MAN2A1: variants seen among roughly 807,000 people sequenced by gnomAD.
MAN2A1 encodes mannosidase alpha class 2A member 1, also known as alpha-mannosidase 2.
MAN2A1 carries 76 observed loss-of-function variants against 142.6 expected under a neutral mutation model. The ratio of observed to expected loss-of-function variants is 0.53; its 90% CI spans 0.44 to 0.65. The LOEUF is 0.65. Among genes scored for constraint, MAN2A1 ranks in the 30% least tolerant of loss-of-function variants. The pLI is 0.00. For missense variants in MAN2A1, 1,311 were observed against 1,365.1 expected, an observed-to-expected ratio of 0.96 and a Z score of 0.62; for synonymous variants, 559 against 473.2, an observed-to-expected ratio of 1.18 and a Z score of -2.35.
At chr5:109,801,653 G>A (rs1018302352) in intron 12 of MAN2A1, among the ~76,000 whole-genome samples, 6 of 152,052 alleles carry the variant, frequency 3.9e-5, no homozygotes, top group Non-Finnish European at 8.8e-5. Context: ...TGCCCACTTC[G>A]GCTCAGGGAC....
At chr5:109,796,264 G>A (rs1051540812) in intron 12 of MAN2A1, among the ~76,000 whole-genome samples, 1 of 152,106 alleles carries the variant, frequency 6.6e-6, no homozygotes, top group Non-Finnish European at 1.5e-5. Context: ...AGAAACCTAA[G>A]CTTGGAACCA....
intron 9 of MAN2A1, among the ~76,000 whole-genome samples, chr5:109,784,416 A>C (rs905409551): frequency 6.6e-6 from 1 of 152,130 alleles, no homozygotes; most frequent in Non-Finnish European, 1.5e-5. Context: ...AGAGAAATTT[A>C]TCCAATTTTT....
At chr5:109,742,005 AT>A (rs1752281330) in intron 4 of MAN2A1, among the ~76,000 whole-genome samples, 1 of 152,172 alleles carries the variant, frequency 6.6e-6, no homozygotes, top group African/African-American at 2.4e-5. Flanking sequence ...ACATTTGAAT[AT>A]TTTTTGGCTA....
At position 109,866,971 on chromosome 5, in the gene MAN2A1, C is replaced by T. The variant is rs768907491; in HGVS notation, c.3408C>T (p.Ile1136=). The change falls in exon 22 of 22, where the codon ATC becomes ATT. Residue 1136 remains isoleucine, a synonymous_variant. Transcript: ENST00000261483. ...AGATCAACTTGAGTCCAATGGAAATCAGCACATTCCGAATCCAGTTGAGGT... is the reference window on the plus strand; with the variant it reads ...AGATCAACTTGAGTCCAATGGAAATTAGCACATTCCGAATCCAGTTGAGGT... ...ISEINLSPME[I]STFRIQLR The T allele has an allele frequency of 1.2e-6, 2 of 1,611,034 alleles. No individual in the cohort carries two copies. Among genetic ancestry groups the T allele is most frequent in the East Asian group, 2.2e-5 (1 of 44,692 alleles).
rs201911470 is a variant in MAN2A1 at position 109,773,031 on chromosome 5, CAGTTA to C, written c.1197-1752_1197-1748del. On this transcript the variant is annotated intron_variant, in intron 7 of 21. Transcript: ENST00000261483. ...TCGGGGATTTTATTTTTCTTGGTTACAGTTAAGTTGACATTTCTTACCTGGTAAAA... is the reference window on the plus strand; with the variant it reads ...TCGGGGATTTTATTTTTCTTGGTTACAGTTGACATTTCTTACCTGGTAAAA... Among the ~76,000 whole-genome samples, 1,220 of 152,184 alleles carry C rather than the reference CAGTTA, an allele frequency of 8.0e-3. 6 individuals carry two copies. The highest frequency in any genetic ancestry group is 0.013 in the Non-Finnish European group (876 of 68,000).
chr5:109,855,605 A>G (rs1755586863), intron 20 of MAN2A1, among the ~76,000 whole-genome samples: 1 of 152,180 alleles, frequency 6.6e-6, no homozygotes, highest in Non-Finnish European at 1.5e-5. Flanking sequence ...CCTTAAGTTT[A>G]GCACTAGTGA....
At chr5:109,796,344 G>A (rs1321854004) in intron 12 of MAN2A1, among the ~76,000 whole-genome samples, 1 of 152,140 alleles carries the variant, frequency 6.6e-6, no homozygotes, top group Non-Finnish European at 1.5e-5. Flanking sequence ...ATAGTCAAAG[G>A]ATTTGCATAT....
Position 109,867,122 on chromosome 5 carries a change from T to C in MAN2A1, c.*124T>C. The C allele has an allele frequency of 1.7e-6, 1 of 601,530 alleles. No individual in the cohort carries two copies. The allele number at this position is 601,530 out of a possible 1,614,324, so 37.3% of individuals were successfully genotyped here. Reference sequence around the variant, plus strand: ...TGAGAACATGAATTCTGTGATTCTGTGGGTTTTTTCTTTTTTCTTTTACCA... The same window carrying C: ...TGAGAACATGAATTCTGTGATTCTGCGGGTTTTTTCTTTTTTCTTTTACCA... On this transcript the variant is annotated 3_prime_UTR_variant, in exon 22 of 22. Coordinates refer to ENST00000261483, the MANE Select transcript of MAN2A1 (RefSeq NM_002372.4).
At chr5:109,792,395 T>C (rs1191676481) in intron 12 of MAN2A1, among the ~76,000 whole-genome samples, 1 of 152,042 alleles carries the variant, frequency 6.6e-6, no homozygotes, top group African/African-American at 2.4e-5. Context: ...CTGAATTACT[T>C]CAACAGCTTC....
chr5:109,816,752 C>T (rs180874163), intron 12 of MAN2A1, among the ~76,000 whole-genome samples: 109 of 152,136 alleles, frequency 7.2e-4, no homozygotes, highest in Non-Finnish European at 8.7e-4. Context: ...ATGAATAAAA[C>T]CGTATTTATA....
chr5:109,856,388 CAAA>C (rs1755605905), intron 20 of MAN2A1, among the ~76,000 whole-genome samples: 1 of 152,044 alleles, frequency 6.6e-6, no homozygotes, highest in South Asian at 2.1e-4. Context: ...AGAGACAAGA[CAAA>C]GAAGAAAGCA....
chr5:109,858,376 T>C (rs371868177), intron 20 of MAN2A1, among the ~76,000 whole-genome samples: 20 of 152,288 alleles, frequency 1.3e-4, no homozygotes, highest in East Asian at 5.8e-4. Flanking sequence ...AGGGAACTGT[T>C]GTGGGTATTG....
intron 3 of MAN2A1, among the ~76,000 whole-genome samples, chr5:109,721,896 C>T (rs1381377904): frequency 1.3e-5 from 2 of 152,192 alleles, no homozygotes; most frequent in Non-Finnish European, 2.9e-5. Context: ...TTATTATGTT[C>T]TGTGCACTAT....
chr5:109,776,444 A>G (rs4569915), intron 8 of MAN2A1, among the ~76,000 whole-genome samples: 54,016 of 151,752 alleles, frequency 0.36, 9,931 homozygotes, highest in East Asian at 0.68. Flanking sequence ...GATCAGAGGA[A>G]GGGATATATA....
At chr5:109,783,074 G>A (rs1057329147) in intron 9 of MAN2A1, among the ~76,000 whole-genome samples, 2 of 151,884 alleles carry the variant, frequency 1.3e-5, no homozygotes, top group African/African-American at 2.4e-5. Context: ...TTATAAAGTG[G>A]GTTATATTCT....
chr5:109,725,706 A>T (rs976741027), intron 3 of MAN2A1, among the ~76,000 whole-genome samples: 1 of 152,206 alleles, frequency 6.6e-6, no homozygotes, highest in Non-Finnish European at 1.5e-5. Flanking sequence ...TACTTAGTGT[A>T]TATGCCCTTG....
Position 109,711,999 on chromosome 5 carries a change from C to T in MAN2A1, c.136-1521C>T, listed in dbSNP as rs558052448. ...GAAGGTACATGGCTGTCTTGTGCTC[C>T]TTTCTTCTCTAGCATCAGGCTGTAG... On this transcript the variant is annotated intron_variant, in intron 1 of 21. Coordinates refer to ENST00000261483, the MANE Select transcript of MAN2A1 (RefSeq NM_002372.4). Among the ~76,000 whole-genome samples, 10 of 152,126 alleles carry T rather than the reference C, an allele frequency of 6.6e-5. No homozygotes were observed. In the South Asian group the frequency reaches 1.2e-3, roughly 19 times the overall value.
intron 1 of MAN2A1, among the ~76,000 whole-genome samples, chr5:109,709,448 A>G (rs1751234065): frequency 6.6e-6 from 1 of 152,222 alleles, no homozygotes; most frequent in Admixed American, 6.5e-5. Context: ...CCTTTGAAGC[A>G]GGGAGAAGGA....
At chr5:109,691,469 A>G (rs143786033) in intron 1 of MAN2A1, among the ~76,000 whole-genome samples, 7 of 152,342 alleles carry the variant, frequency 4.6e-5, no homozygotes, top group African/African-American at 7.2e-5. Context: ...TCAAACCCTG[A>G]CAGGGCAATC....
Sources: allele counts gnomAD v4.1 joint callset (sites outside exome capture counted in the v4.1 genomes callset), GRCh38; gene constraint gnomAD v4.1.1; transcripts MANE v1.5; gene names NCBI Gene and HGNC (gene_info 2026-07-23, HGNC 2026-07-21).